TAF1: variants seen among roughly 807,000 people sequenced by gnomAD.
The protein encoded by TAF1 is TATA-box binding protein associated factor 1.
Under a neutral mutation model 138.5 loss-of-function variants are expected in TAF1, and 2 were observed. That is an observed-to-expected ratio of 0.01 (90% CI 0.01 to 0.05). The LOEUF is 0.05. Among genes scored for constraint, TAF1 ranks in the 10% least tolerant of loss-of-function variants. The pLI is 1.00. For missense variants in TAF1, 709 were observed against 1,478.0 expected (o/e 0.48, Z 8.53); for synonymous variants, 437 against 503.2 (o/e 0.87, Z 1.76).
chrX:71,435,389 A>G (rs944750978), intron 32 of TAF1, among the ~76,000 whole-genome samples: 9 of 111,987 alleles, frequency 8.0e-5, no homozygotes, highest in African/African-American at 2.9e-4. Context: ...GCCAAAGACT[A>G]AAGGGAACCC....
chrX:71,502,807 A>T (rs1838177960), intron 13 of TAF1, among the ~76,000 whole-genome samples: 1 of 110,446 alleles, frequency 9.1e-6, no homozygotes, highest in South Asian at 3.8e-4. Context: ...ACATGGTGGC[A>T]CATGCCTGTA....
chrX:71,408,229 A>T (rs771181111), intron 28 of TAF1, 78 bp downstream of exon 28: 2 of 1,095,644 alleles, frequency 1.8e-6, no homozygotes, highest in East Asian at 3.0e-5. Flanking sequence ...TTCAGACTAG[A>T]TTGGACTGAG....
chrX:71,393,017 T>A, intron 20 of TAF1, 23 bp downstream of exon 20: 1 of 1,209,244 alleles, frequency 8.3e-7, no homozygotes, highest in Non-Finnish European at 1.1e-6. Flanking sequence ...GTGGAAAATT[T>A]AGAGTATACT....
At chrX:71,459,837 A>G in intron 36 of TAF1, 129 bp downstream of exon 36, 3 of 1,081,759 alleles carry the variant, frequency 2.8e-6, no homozygotes, top group Non-Finnish European at 1.2e-6. Context: ...TCCTATTAAT[A>G]GACCTGAGAG....
intron 28 of TAF1, among the ~76,000 whole-genome samples, chrX:71,413,219 A>G (rs932324555): frequency 8.9e-6 from 1 of 111,969 alleles, no homozygotes; most frequent in Non-Finnish European, 1.9e-5. Context: ...TGCTGAGTCC[A>G]CATGGTAACT....
At chrX:71,526,584 A>C (rs890900853) in intron 13 of TAF1, among the ~76,000 whole-genome samples, 1 of 112,197 alleles carries the variant, frequency 8.9e-6, no homozygotes, top group African/African-American at 3.2e-5. Context: ...CGATGTTCTA[A>C]AAGATATGTT....
At chrX:71,480,277 C>G (rs1013538017) in intron 13 of TAF1, among the ~76,000 whole-genome samples, 10 of 110,979 alleles carry the variant, frequency 9.0e-5, no homozygotes, top group African/African-American at 3.3e-4. Context: ...TACCTGTAGT[C>G]CCAGCTACTC....
intron 13 of TAF1, among the ~76,000 whole-genome samples, chrX:71,471,332 A>ATATAT (rs1270829540): frequency 1.0e-5 from 1 of 99,041 alleles, no homozygotes; most frequent in African/African-American, 3.9e-5. Flanking sequence ...AAAAAAAAAA[A>ATATAT]ATATATATAT....
intron 13 of TAF1, among the ~76,000 whole-genome samples, chrX:71,500,673 T>C (rs1437227199): frequency 9.1e-6 from 1 of 109,967 alleles, no homozygotes; most frequent in Non-Finnish European, 1.9e-5. Context: ...GAAGGTCGGA[T>C]TTAGTGGACC....
intron 24 of TAF1, among the ~76,000 whole-genome samples, chrX:71,399,567 C>CTTTTT (rs35622645): frequency 1.0e-4 from 3 of 28,933 alleles, no homozygotes; most frequent in African/African-American, 1.4e-4. Flanking sequence ...GTTATTTATT[C>CTTTTT]TTTTTTTTTT....
At chrX:71,379,132 T>C in intron 8 of TAF1, 101 bp downstream of exon 8, 2 of 797,527 alleles carry the variant, frequency 2.5e-6, no homozygotes, top group Non-Finnish European at 3.5e-6. Flanking sequence ...TTTTTTTCGG[T>C]GAGACAGAGT....
intron 28 of TAF1, chrX:71,420,464 A>C (rs878972247): frequency 1.7e-6 from 2 of 1,208,248 alleles, no homozygotes; most frequent in Middle Eastern, 3.1e-4. Context: ...CACCATAGTC[A>C]ACATTGCCAA....
At chrX:71,523,040 C>T (rs1219938854) in intron 13 of TAF1, among the ~76,000 whole-genome samples, 2 of 108,560 alleles carry the variant, frequency 1.8e-5, no homozygotes, top group Non-Finnish European at 3.8e-5. Flanking sequence ...AAATTAGCTG[C>T]GCATGGTGAT....
At chrX:71,374,528 C>G (rs2033332047) in intron 3 of TAF1, among the ~76,000 whole-genome samples, 1 of 111,659 alleles carries the variant, frequency 9.0e-6, no homozygotes, top group African/African-American at 3.3e-5. Context: ...CTCATCAAAG[C>G]CTTGACCTCC....
At chrX:71,503,494 T>C (rs1034489355) in intron 13 of TAF1, among the ~76,000 whole-genome samples, 7 of 109,005 alleles carry the variant, frequency 6.4e-5, no homozygotes, top group Non-Finnish European at 1.3e-4. Flanking sequence ...TGATTGGCCA[T>C]GAGGAAGCTC....
At chrX:71,432,876 T>C (rs2036958707) in intron 32 of TAF1, among the ~76,000 whole-genome samples, 1 of 112,088 alleles carries the variant, frequency 8.9e-6, no homozygotes, top group Non-Finnish European at 1.9e-5. Context: ...TTGCTTCAAA[T>C]TTCTTACCAA....
intron 17 of TAF1, 68 bp downstream of exon 17, chrX:71,388,936 A>G (rs2034402333): frequency 2.8e-6 from 3 of 1,086,002 alleles, no homozygotes; most frequent in Non-Finnish European, 2.5e-6. Context: ...TTCCCCCCAG[A>G]GAGATGAGAG....
At chrX:71,440,089 A>C (rs1009440994) in intron 32 of TAF1, among the ~76,000 whole-genome samples, 2 of 111,067 alleles carry the variant, frequency 1.8e-5, no homozygotes, top group Non-Finnish European at 3.8e-5. Flanking sequence ...TGCACCCCCC[A>C]CACACACATG....
At chrX:71,405,353 G>T (rs2035411249) in intron 25 of TAF1, among the ~76,000 whole-genome samples, 2 of 110,162 alleles carry the variant, frequency 1.8e-5, no homozygotes. Context: ...TTTCAGTTTT[G>T]GGTTCCTTTT....
Sources: allele counts gnomAD v4.1 joint callset (sites outside exome capture counted in the v4.1 genomes callset), GRCh38; gene constraint gnomAD v4.1.1; transcripts MANE v1.5; gene names NCBI Gene and HGNC (gene_info 2026-07-23, HGNC 2026-07-21).